The following AGAP4 variants were observed in gnomAD, a reference collection of about 807,000 sequenced individuals.
AGAP4 encodes the protein arf-GAP with GTPase, ANK repeat and PH domain-containing protein 4.
In AGAP4, 13 loss-of-function variants were observed where a neutral mutation model predicts 60.7. The ratio of observed to expected loss-of-function variants is 0.21; its 90% CI spans 0.14 to 0.34. AGAP4 has a LOEUF of 0.34. Among genes scored for constraint, AGAP4 ranks in the 10% least tolerant of loss-of-function variants. AGAP4 has a pLI of 1.00. For synonymous variants in AGAP4, 70 were observed against 339.0 expected (o/e 0.21, Z 8.72); for missense variants, 169 against 884.0 (o/e 0.19, Z 10.26).
upstream of AGAP4, chr10:45,854,459 C>T (rs2059117145): frequency 6.6e-6 from 1 of 151,432 alleles, no homozygotes; most frequent in South Asian, 2.1e-4. Flanking sequence ...AAAACCTCGT[C>T]TCTACTAAAA....
At chr10:45,844,786 A>G (rs1325271349) in intron 2 of AGAP4, among the ~76,000 whole-genome samples, 8 of 148,440 alleles carry the variant, frequency 5.4e-5, no homozygotes, top group African/African-American at 2.0e-4. Flanking sequence ...TAGGCAAAAT[A>G]TAAGATGTAT....
At chr10:45,853,985 A>G (rs1487942800), upstream of AGAP4, 2 of 883,230 alleles carry the variant, frequency 2.3e-6, no homozygotes, top group Non-Finnish European at 2.9e-6. Flanking sequence ...TGTGGACTTA[A>G]TTCTACTGGA....
chr10:45,829,854 C>T (rs61857368), intron 6 of AGAP4, among the ~76,000 whole-genome samples: 24 of 149,532 alleles, frequency 1.6e-4, no homozygotes, highest in African/African-American at 2.4e-4. Flanking sequence ...TACTTAAAGG[C>T]GTGTTAAAGA....
upstream of AGAP4, chr10:45,847,601 C>G (rs1417507059): frequency 2.8e-6 from 4 of 1,422,426 alleles, no homozygotes; most frequent in African/African-American, 5.9e-5. Flanking sequence ...TGAAGACCAG[C>G]CGGCTTATTT....
chr10:45,844,521 A>T, intron 2 of AGAP4, 127 bp from the exon 3 acceptor site: 2 of 1,488,304 alleles, frequency 1.3e-6, no homozygotes, highest in Non-Finnish European at 1.8e-6. Flanking sequence ...CATTGAAATG[A>T]ATGTATAGAC....
In AGAP4 at chr10:45,826,916, G is replaced by C; in HGVS notation, c.1060C>G (p.Pro354Ala). ...WPSLATSACT[P>A]ISTSKSNGLS... ...CCATTGCTTTTAGAGGTGGAGATGG[G>C]TGTGCAGGCCGATGTGGCTAGGGAT... The change falls in exon 8 of 8, where the codon CCC becomes GCC. Residue 354 changes from proline to alanine, a missense_variant. By Grantham distance (27) the Pro-to-Ala change is conservative (BLOSUM62 -1). Coordinates refer to ENST00000616763, the MANE Select transcript of AGAP4 (RefSeq NM_001276343.3). The C allele has an allele frequency of 7.4e-7, 1 of 1,342,862 alleles. No homozygotes were observed. 83.2% of individuals were successfully genotyped at this position (1,342,862 alleles called of 1,614,324 possible).
rs1261105128 is a variant in AGAP4 at position 45,843,119 on chromosome 10, A to T, written c.361+1207T>A. On this transcript the variant is annotated intron_variant, in intron 3 of 7. Transcript: ENST00000616763. Reference sequence around the variant, plus strand: ...TCAGACCAGTCTGGCTAACATGGTGAAACCCTGTCTCTACCAAAAATACAG... The same window carrying T: ...TCAGACCAGTCTGGCTAACATGGTGTAACCCTGTCTCTACCAAAAATACAG... Among the ~76,000 whole-genome samples, 17 of 96,138 alleles carry T rather than the reference A, an allele frequency of 1.8e-4. 5 individuals are homozygous for T. The highest frequency in any genetic ancestry group is 3.0e-4 in the Non-Finnish European group (14 of 46,606). The allele number at this position is 96,138 out of a possible 152,430, so 63.1% of individuals were successfully genotyped here.
chr10:45,849,536 T>C (rs1220381466), upstream of AGAP4, among the ~76,000 whole-genome samples: 2 of 150,952 alleles, frequency 1.3e-5, no homozygotes, highest in Admixed American at 6.6e-5. Flanking sequence ...CCCAGTGAAA[T>C]TGTTTCTCTA....
chr10:45,838,826 A>T (rs2058869896), intron 4 of AGAP4, among the ~76,000 whole-genome samples: 1 of 151,666 alleles, frequency 6.6e-6, no homozygotes, highest in South Asian at 2.1e-4. Flanking sequence ...AAATATTTCT[A>T]ACACTTTGGG....
At chr10:45,841,808 A>C (rs1398296974) in intron 3 of AGAP4, 121 bp from the exon 4 acceptor site, 2 of 1,178,076 alleles carry the variant, frequency 1.7e-6, no homozygotes, top group East Asian at 2.8e-5. Context: ...TAAAAAAAAA[A>C]TTTTCAATAA....
intron 6 of AGAP4, among the ~76,000 whole-genome samples, chr10:45,830,272 A>C (rs1320252018): frequency 1.4e-5 from 2 of 142,302 alleles, no homozygotes; most frequent in African/African-American, 2.6e-5. Context: ...TCCCAGGCTC[A>C]AGCGATTCTC....
chr10:45,843,958 T>C (rs1243876322), intron 3 of AGAP4, among the ~76,000 whole-genome samples: 2 of 148,982 alleles, frequency 1.3e-5, no homozygotes, highest in Non-Finnish European at 2.9e-5. Context: ...CAAGCTGAAG[T>C]TCTATCATTC....
At chr10:45,849,663 G>T (rs1251185997), upstream of AGAP4, among the ~76,000 whole-genome samples, 1 of 143,814 alleles carries the variant, frequency 7.0e-6, no homozygotes, top group South Asian at 2.2e-4. Context: ...TTTTTGAGAC[G>T]GAGTTTCTCT....
At chr10:45,851,822 C>A (rs2059087022), upstream of AGAP4, among the ~76,000 whole-genome samples, 4 of 151,738 alleles carry the variant, frequency 2.6e-5, no homozygotes, top group South Asian at 8.4e-4. Flanking sequence ...CCTACAAAAG[C>A]AAGAAGGGAG....
In AGAP4 at chr10:45,847,470, C is replaced by A; in HGVS notation, c.-123G>T. ...GATGGTCTTCCCGCTCCTCGCCTGCCCACCTCACAGCGCGGCCCCGGGCAC... is the reference window on the plus strand; with the variant it reads ...GATGGTCTTCCCGCTCCTCGCCTGCACACCTCACAGCGCGGCCCCGGGCAC... On this transcript the variant is annotated 5_prime_UTR_variant, in exon 1 of 8. Transcript: ENST00000616763. 1 of 1,531,044 alleles carries A rather than the reference C, an allele frequency of 6.5e-7. No individual in the cohort carries two copies. The highest frequency in any genetic ancestry group is 1.2e-5 in the South Asian group (1 of 84,082). 94.8% of individuals were successfully genotyped at this position (1,531,044 alleles called of 1,614,324 possible). A position where few individuals can be genotyped will look rare whatever the true frequency, so the allele number is the denominator to read the frequency against.
At chr10:45,829,867 G>A (rs1332121654) in intron 6 of AGAP4, among the ~76,000 whole-genome samples, 1 of 150,380 alleles carries the variant, frequency 6.6e-6, no homozygotes, top group Admixed American at 6.6e-5. Flanking sequence ...GTTAAAGAAA[G>A]ATTGGTGGTT....
chr10:45,849,726 C>G (rs1479402447), upstream of AGAP4, among the ~76,000 whole-genome samples: 1 of 151,268 alleles, frequency 6.6e-6, no homozygotes, highest in Non-Finnish European at 1.5e-5. Context: ...CTGCAACCTC[C>G]GCCTCCTGGG....
chr10:45,834,347 C>G (rs2058777058), intron 4 of AGAP4, among the ~76,000 whole-genome samples: 1 of 136,336 alleles, frequency 7.3e-6, no homozygotes, highest in Non-Finnish European at 1.5e-5. Flanking sequence ...TCAAACCTAA[C>G]AAGGATTTTA....
upstream of AGAP4, among the ~76,000 whole-genome samples, chr10:45,851,786 G>T (rs1230238912): frequency 6.6e-6 from 1 of 151,964 alleles, no homozygotes; most frequent in Non-Finnish European, 1.5e-5. Flanking sequence ...CTGCAATCTG[G>T]ATCAGGGACA....
Sources: allele counts gnomAD v4.1 joint callset (sites outside exome capture counted in the v4.1 genomes callset), GRCh38; gene constraint gnomAD v4.1.1; transcripts MANE v1.5; gene names NCBI Gene and HGNC (gene_info 2026-07-23, HGNC 2026-07-21).